The following LEMD3 variants were observed in gnomAD, a reference collection of about 807,000 sequenced individuals.
LEMD3 encodes LEM domain containing 3.
In LEMD3, 33 loss-of-function variants were observed where a neutral mutation model predicts 95.2. The ratio of observed to expected loss-of-function variants is 0.35; its 90% CI spans 0.26 to 0.46. The LOEUF is 0.46. LEMD3 is among the 20% of genes least tolerant of loss of function. The pLI is 1.00. For synonymous variants in LEMD3, 525 were observed against 474.6 expected, an observed-to-expected ratio of 1.11 and a Z score of -1.38; for missense variants, 1,210 against 1,192.8, an observed-to-expected ratio of 1.01 and a Z score of -0.21.
chr12:65,196,338 AC>A (rs1449306302), intron 1 of LEMD3, among the ~76,000 whole-genome samples: 2 of 151,948 alleles, frequency 1.3e-5, no homozygotes, highest in African/African-American at 4.8e-5. Flanking sequence ...ACCAAAAAAA[AC>A]CCCAAACAGA....
chr12:65,228,631 C>G (rs1218339576), intron 4 of LEMD3, among the ~76,000 whole-genome samples: 1 of 151,862 alleles, frequency 6.6e-6, no homozygotes, highest in Admixed American at 6.6e-5. Flanking sequence ...CTCCTGACCT[C>G]GTCATCTGCC....
intron 1 of LEMD3, among the ~76,000 whole-genome samples, chr12:65,201,327 C>G (rs188622705): frequency 6.6e-6 from 1 of 152,162 alleles, no homozygotes; most frequent in African/African-American, 2.4e-5. Flanking sequence ...AACAGTATCC[C>G]GAAAATAATC....
At chr12:65,220,128 G>C (rs967180736) in intron 4 of LEMD3, among the ~76,000 whole-genome samples, 1 of 152,098 alleles carries the variant, frequency 6.6e-6, no homozygotes, top group Non-Finnish European at 1.5e-5. Context: ...CCTCCATACT[G>C]TTTTCATATT....
chr12:65,222,932 A>G (rs1870336501), intron 4 of LEMD3, among the ~76,000 whole-genome samples: 1 of 152,020 alleles, frequency 6.6e-6, no homozygotes, highest in Admixed American at 6.5e-5. Context: ...TAATTTACAC[A>G]TATTTGTGAA....
At chr12:65,188,971 A>G (rs1869152652) in intron 1 of LEMD3, among the ~76,000 whole-genome samples, 1 of 151,886 alleles carries the variant, frequency 6.6e-6, no homozygotes, top group Admixed American at 6.6e-5. Context: ...ATGTTTCAAG[A>G]CTCCCATTAC....
intron 4 of LEMD3, among the ~76,000 whole-genome samples, chr12:65,227,002 G>A (rs1003296848): frequency 2.0e-4 from 31 of 151,676 alleles, no homozygotes; most frequent in African/African-American, 7.5e-4. Context: ...TAAAATTTAT[G>A]GATAGTGTAA....
chr12:65,224,631 G>A (rs919914355), intron 4 of LEMD3, among the ~76,000 whole-genome samples: 9 of 151,892 alleles, frequency 5.9e-5, no homozygotes, highest in African/African-American at 1.9e-4. Flanking sequence ...TATGTGATGA[G>A]TAGCTTGCGT....
rs766588987 is a variant in LEMD3 at position 65,169,609 on chromosome 12, G to A, written c.13G>A (p.Ala5Thr). 2.5e-5 allele frequency: 39 copies of A among 1,587,642 alleles called. No homozygotes were observed. The highest frequency in any genetic ancestry group is 3.3e-5 in the Non-Finnish European group (39 of 1,169,340). Residue 5 changes from alanine (A) to threonine (T), a missense_variant, in exon 1 of 13, where the codon GCA becomes ACA. Physicochemically the swap from Ala to Thr is moderately conservative, Grantham distance 58. Around this residue, in one of 2 missense-constraint regions of LEMD3, gnomAD observed 749 missense variants for 622.9 expected, o/e 1.20. Transcript: ENST00000308330. Reference protein sequence around the residue: MAAAAASAPQQLSDE... With the variant: MAAATASAPQQLSDE... Reference sequence around the variant, plus strand: ...CCCTGGAGAGAAAATGGCGGCGGCAGCAGCTTCGGCGCCTCAGCAGCTCTC... The same window carrying A: ...CCCTGGAGAGAAAATGGCGGCGGCAACAGCTTCGGCGCCTCAGCAGCTCTC...
intron 4 of LEMD3, among the ~76,000 whole-genome samples, chr12:65,238,211 G>A (rs1870827034): frequency 6.6e-6 from 1 of 152,120 alleles, no homozygotes; most frequent in Admixed American, 6.5e-5. Flanking sequence ...GGAGGCGGGG[G>A]CTGCAGTGAG....
chr12:65,243,823 A>G (rs1592465087), intron 10 of LEMD3, among the ~76,000 whole-genome samples: 1 of 152,338 alleles, frequency 6.6e-6, no homozygotes, highest in East Asian at 1.9e-4. Context: ...AGTAGAAAAT[A>G]TAGATACAAT....
At chr12:65,175,093 G>T (rs1038918731) in intron 1 of LEMD3, among the ~76,000 whole-genome samples, 2 of 152,142 alleles carry the variant, frequency 1.3e-5, no homozygotes, top group Admixed American at 1.3e-4. Flanking sequence ...GGGACATAAT[G>T]AATGAAGGGG....
At chr12:65,237,708 G>T (rs531387755) in intron 4 of LEMD3, among the ~76,000 whole-genome samples, 4 of 152,294 alleles carry the variant, frequency 2.6e-5, no homozygotes, top group Admixed American at 2.0e-4. Context: ...AGGTCTTCAA[G>T]TATTGTGAAG....
chr12:65,197,943 A>G, intron 1 of LEMD3, among the ~76,000 whole-genome samples: 1 of 152,142 alleles, frequency 6.6e-6, no homozygotes, highest in Admixed American at 6.6e-5. Flanking sequence ...ACTGGAGATA[A>G]TCATTGAAGA....
At chr12:65,182,009 T>G (rs950537267) in intron 1 of LEMD3, among the ~76,000 whole-genome samples, 4 of 152,072 alleles carry the variant, frequency 2.6e-5, no homozygotes, top group Non-Finnish European at 5.9e-5. Context: ...GCATTTTATT[T>G]TAATTTTCAT....
intron 4 of LEMD3, among the ~76,000 whole-genome samples, chr12:65,226,183 T>G (rs1223256373): frequency 6.6e-6 from 1 of 152,192 alleles, no homozygotes; most frequent in Non-Finnish European, 1.5e-5. Context: ...CAGAAACCAG[T>G]TGCCCCGAAA....
chr12:65,240,042 G>A lies in LEMD3; in HGVS notation c.2023+12G>A, dbSNP rs745961242. On this transcript the variant is annotated intron_variant, in intron 7 of 12. Transcript: ENST00000308330. Reference sequence around the variant, plus strand: ...GGTAAAGATTATAGGTATGATATTTGTAAGAATCTCAACTATTTCTAGAAG... The same window carrying A: ...GGTAAAGATTATAGGTATGATATTTATAAGAATCTCAACTATTTCTAGAAG... The A allele has an allele frequency of 1.9e-6, 3 of 1,566,898 alleles. No homozygotes were observed. The Admixed American group carries it at 5.0e-5, about 26-fold the overall frequency.
chr12:65,169,804 A>G lies in LEMD3; in HGVS notation c.208A>G (p.Asn70Asp). 1.3e-6 allele frequency: 2 copies of G among 1,518,200 alleles called. No individual in the cohort carries two copies. Among genetic ancestry groups the G allele is most frequent in the Non-Finnish European group, 8.8e-7 (1 of 1,130,812 alleles). 94.0% of individuals were successfully genotyped at this position (1,518,200 alleles called of 1,614,324 possible). The change falls in exon 1 of 13, where the codon AAC becomes GAC. Residue 70 changes from asparagine (N) to aspartate (D), a missense_variant. Physicochemically the swap from Asn to Asp is conservative, Grantham distance 23. This residue lies in a region of LEMD3 where 749 missense variants were observed against 622.9 expected (regional missense o/e 1.20). Coordinates refer to ENST00000308330, the MANE Select transcript of LEMD3 (RefSeq NM_014319.5). ...CAAGACGCGGAACAGTAATAACAAT[A>G]ACACGGCAGCCGCCACGGTCGCAGC... ...GNKTRNSNNN[N>D]TAAATVAAAG...
Position 65,245,700 on chromosome 12 carries a change from C to G in LEMD3, c.2419C>G (p.Gln807Glu), listed in dbSNP as rs1020975388. The change falls in exon 11 of 13, where the codon CAA (glutamine) becomes GAA (glutamate). Residue 807 changes from glutamine to glutamate, a missense_variant. Gln to Glu is a conservative substitution (Grantham distance 29, BLOSUM62 2). Transcript: ENST00000308330. Reference protein sequence around the residue: ...EIGDQWHLAIQEAILEKCSDN... With the variant: ...EIGDQWHLAIEEAILEKCSDN... The stretch of plus-strand genomic sequence containing the variant: ...AGGGGATCAGTGGCATTTGGCAATT[C>G]AAGAAGCAATTTTAGAAAAATGCAG... The G allele has an allele frequency of 1.1e-5, 17 of 1,613,582 alleles. No individual in the cohort carries two copies. The highest frequency in any genetic ancestry group is 1.2e-5 in the Non-Finnish European group (14 of 1,179,794).
chr12:65,218,536 A>G lies in LEMD3; in HGVS notation c.1628-16A>G. 2 of 1,562,112 alleles carry G rather than the reference A, an allele frequency of 1.3e-6. No homozygotes were observed. The highest frequency in any genetic ancestry group is 8.8e-7 in the Non-Finnish European group (1 of 1,136,064). ...AGAGTACTGATTCAAAATTAATAAT[A>G]TGCTAATCTTTCCAGGAGATCATGA... On this transcript the variant is annotated splice_polypyrimidine_tract_variant and intron_variant, in intron 3 of 12. Transcript: ENST00000308330.
Sources: allele counts gnomAD v4.1 joint callset (sites outside exome capture counted in the v4.1 genomes callset), GRCh38; gene constraint gnomAD v4.1.1; regional missense constraint gnomAD v4.1.1; transcripts MANE v1.5; gene names NCBI Gene and HGNC (gene_info 2026-07-23, HGNC 2026-07-21).